Variants in NCKAP5 observed in about 807,000 individuals in gnomAD.
NCKAP5 encodes NCK associated protein 5, also known as nck-associated protein 5.
NCKAP5 carries 92 observed loss-of-function variants against 167.0 expected under a neutral mutation model. The observed-to-expected ratio is 0.55, with a 90% CI of 0.47 to 0.66. NCKAP5 has a LOEUF of 0.66. NCKAP5 is among the 30% of genes least tolerant of loss of function. The probability of loss-of-function intolerance (pLI) is 0.00; values close to 1 mark genes in which losing one functional copy is unlikely to be tolerated. For missense variants in NCKAP5, 2,378 were observed against 2,315.0 expected (o/e 1.03, Z -0.56); for synonymous variants, 891 against 877.4 (o/e 1.02, Z -0.27).
intron 11 of NCKAP5, among the ~76,000 whole-genome samples, chr2:132,850,370 T>G (rs1688982949): frequency 6.6e-6 from 1 of 152,168 alleles, no homozygotes; most frequent in South Asian, 2.1e-4. Context: ...CTGGGAAAAG[T>G]CATGAAGTGA....
intron 3 of NCKAP5, among the ~76,000 whole-genome samples, chr2:133,396,382 T>A (rs1687732955): frequency 6.6e-6 from 1 of 152,116 alleles, no homozygotes; most frequent in African/African-American, 2.4e-5. Flanking sequence ...GAATGACTTA[T>A]CCTACACTCA....
intron 12 of NCKAP5, among the ~76,000 whole-genome samples, chr2:132,793,614 T>G (rs1684247455): frequency 6.6e-6 from 1 of 152,168 alleles, no homozygotes; most frequent in Non-Finnish European, 1.5e-5. Flanking sequence ...AAGAAGTCAG[T>G]CTCTTATGTG....
At chr2:132,871,387 G>A (rs1260708335) in intron 9 of NCKAP5, among the ~76,000 whole-genome samples, 1 of 152,184 alleles carries the variant, frequency 6.6e-6, no homozygotes, top group Non-Finnish European at 1.5e-5. Flanking sequence ...AGGTACCAAA[G>A]TTAATTCATG....
rs1019018481 is a variant in NCKAP5, at chr2:132,881,979, G to A, written c.580-3063C>T. Among the ~76,000 whole-genome samples, 9 of 152,176 alleles carry A rather than the reference G, an allele frequency of 5.9e-5. 1 individual carries two copies. The highest frequency in any genetic ancestry group is 6.5e-5 in the Admixed American group (1 of 15,302). On this transcript the variant is annotated intron_variant, in intron 8 of 19. Coordinates refer to ENST00000409261, the MANE Select transcript of NCKAP5 (RefSeq NM_207363.3). ...TCCATTTTTCTATCTACATTTATGA[G>A]TTGACATTCTTCCATAGGTAAGTGA...
At chr2:132,777,886 A>T (rs1056700276) in intron 15 of NCKAP5, among the ~76,000 whole-genome samples, 3 of 152,098 alleles carry the variant, frequency 2.0e-5, no homozygotes, top group Admixed American at 2.0e-4. Context: ...CTGGGTAAAG[A>T]GAATACCCAT....
At chr2:133,232,490 A>T (rs1435045075) in intron 4 of NCKAP5, among the ~76,000 whole-genome samples, 1 of 152,214 alleles carries the variant, frequency 6.6e-6, no homozygotes, top group African/African-American at 2.4e-5. Context: ...AAACAACTAG[A>T]AATGTCCTAC....
intron 3 of NCKAP5, among the ~76,000 whole-genome samples, chr2:133,364,762 C>CA (rs1553624576): frequency 1.4e-5 from 2 of 146,010 alleles, no homozygotes; most frequent in African/African-American, 2.6e-5. Flanking sequence ...TTTTTTTTTT[C>CA]TTTTTTTTTG....
chr2:132,709,878 G>T (rs1194649908), intron 19 of NCKAP5, among the ~76,000 whole-genome samples: 1 of 151,914 alleles, frequency 6.6e-6, no homozygotes, highest in Non-Finnish European at 1.5e-5. Context: ...ACACGACAAA[G>T]TACAAGAAAA....
In NCKAP5 at chr2:132,953,446, T is replaced by G. The variant is rs868672397; in HGVS notation, c.579+10274A>C. ...TACACACCTTACATTTTTCTAAAATTTTAATGTGCTTTATTTTTATTACCT... is the reference window on the plus strand; with the variant it reads ...TACACACCTTACATTTTTCTAAAATGTTAATGTGCTTTATTTTTATTACCT... On this transcript the variant is annotated intron_variant, in intron 8 of 19. Transcript: ENST00000409261. 3.9e-5 allele frequency among the ~76,000 whole-genome samples: 6 copies of G among 152,306 alleles called. No homozygotes were observed. The South Asian group carries it at 1.0e-3, about 26-fold the overall frequency.
At chr2:132,840,491 G>T (rs1291059560) in intron 11 of NCKAP5, among the ~76,000 whole-genome samples, 2 of 152,010 alleles carry the variant, frequency 1.3e-5, no homozygotes, top group Non-Finnish European at 2.9e-5. Context: ...TGGTCAGACT[G>T]GTCTCAAACT....
intron 19 of NCKAP5, 93 bp downstream of exon 19, chr2:132,725,534 C>A: frequency 7.1e-7 from 1 of 1,413,612 alleles, no homozygotes; most frequent in South Asian, 1.5e-5. Context: ...AACATAAAAT[C>A]AAAGAGGGTG....
At chr2:133,320,261 A>G (rs1261208682) in intron 3 of NCKAP5, among the ~76,000 whole-genome samples, 2 of 152,214 alleles carry the variant, frequency 1.3e-5, no homozygotes, top group East Asian at 3.8e-4. Flanking sequence ...TCTAAAGTCT[A>G]ATTACTGCTC....
intron 4 of NCKAP5, among the ~76,000 whole-genome samples, chr2:133,258,911 T>G (rs1009390869): frequency 4.6e-5 from 7 of 152,176 alleles, no homozygotes; most frequent in Non-Finnish European, 1.0e-4. Flanking sequence ...GGACTTCTTT[T>G]GACTAACAGT....
chr2:133,229,805 C>A (rs1033646920), intron 4 of NCKAP5, among the ~76,000 whole-genome samples: 19 of 152,102 alleles, frequency 1.2e-4, no homozygotes, highest in African/African-American at 4.1e-4. Context: ...TCCGGACACA[C>A]ACACACAAAA....
chr2:133,247,201 A>T (rs1441992440), intron 4 of NCKAP5, among the ~76,000 whole-genome samples: 2 of 152,210 alleles, frequency 1.3e-5, no homozygotes, highest in Non-Finnish European at 2.9e-5. Context: ...GAACTGTGAG[A>T]TGTCTTCACT....
chr2:132,710,929 T>A (rs887180524), intron 19 of NCKAP5, among the ~76,000 whole-genome samples: 1 of 152,192 alleles, frequency 6.6e-6, no homozygotes, highest in East Asian at 1.9e-4. Flanking sequence ...GTACTAGAAA[T>A]ATTGTTTCGC....
chr2:133,031,630 T>G (rs897696538), intron 6 of NCKAP5, among the ~76,000 whole-genome samples: 8 of 152,004 alleles, frequency 5.3e-5, no homozygotes, highest in Admixed American at 2.0e-4. Flanking sequence ...AGATACCAGC[T>G]GGGGCAGCCA....
intron 8 of NCKAP5, among the ~76,000 whole-genome samples, chr2:132,961,922 T>C (rs1179196641): frequency 6.6e-6 from 1 of 152,208 alleles, no homozygotes; most frequent in African/African-American, 2.4e-5. Context: ...TTCTTAAAAC[T>C]CAAATAGGAA....
At chr2:132,820,030 C>T (rs946085456) in intron 11 of NCKAP5, among the ~76,000 whole-genome samples, 1 of 152,152 alleles carries the variant, frequency 6.6e-6, no homozygotes, top group Non-Finnish European at 1.5e-5. Flanking sequence ...CTCTTCCCTT[C>T]CTTCATTTTA....
Sources: allele counts gnomAD v4.1 joint callset (sites outside exome capture counted in the v4.1 genomes callset), GRCh38; gene constraint gnomAD v4.1.1; transcripts MANE v1.5; gene names NCBI Gene and HGNC (gene_info 2026-07-23, HGNC 2026-07-21).